Variants in GNAS observed in about 807,000 individuals in gnomAD.
GNAS encodes the protein GNAS complex locus.
A neutral mutation model predicts 54.5 loss-of-function variants in GNAS; 8 were observed. The ratio of observed to expected loss-of-function variants is 0.15; its 90% CI spans 0.09 to 0.26. The LOEUF is 0.26. Ranked by LOEUF, GNAS falls within the 10% of genes least tolerant of loss-of-function variation. The pLI, the probability that GNAS is intolerant of heterozygous loss-of-function variation, is 1.00. For synonymous variants in GNAS, 204 were observed against 191.4 expected (o/e 1.07, Z -0.54); for missense variants, 170 against 529.8 (o/e 0.32, Z 6.67).
At chr20:58,878,912 T>TGGGGGGGGGGGGG (rs11086659) in intron 1 of GNAS, among the ~76,000 whole-genome samples, 42 of 95,358 alleles carry the variant, frequency 4.4e-4, no homozygotes, top group Admixed American at 6.7e-4. Flanking sequence ...GGGGTGCGGG[T>TGGGGGGGGGGGGG]GGGGGGGGGA....
At chr20:58,892,095 TC>T in intron 1 of GNAS, 4 of 961,314 alleles carry the variant, frequency 4.2e-6, no homozygotes, top group South Asian at 4.8e-5. Flanking sequence ...CGGGCGCGGG[TC>T]CCCCTCCCCC....
intron 1 of GNAS, among the ~76,000 whole-genome samples, chr20:58,872,214 G>A (rs2087515971): frequency 1.3e-5 from 2 of 152,106 alleles, no homozygotes; most frequent in South Asian, 4.1e-4. Flanking sequence ...TCCAATTTTT[G>A]TTTTATTTTA....
At chr20:58,854,954 G>A (rs769427790) in intron 1 of GNAS, 4 of 1,610,348 alleles carry the variant, frequency 2.5e-6, no homozygotes, top group Admixed American at 1.7e-5. Flanking sequence ...GCCGCCGCGT[G>A]TACTACGATG....
intron 1 of GNAS, chr20:58,854,832 A>C: frequency 6.3e-7 from 1 of 1,595,138 alleles, no homozygotes; most frequent in African/African-American, 1.3e-5. Flanking sequence ...CTCCGGGGCC[A>C]GACGCAAGAT....
At position 58,850,997 on chromosome 20, in the gene GNAS, C is replaced by T. The variant is rs371628238; in HGVS notation, c.43+10111C>T. On this transcript the variant is annotated intron_variant, in intron 1 of 12. Transcript: ENST00000306090. The stretch of plus-strand genomic sequence containing the variant: ...GGCATGACCCCTGCCCAATGGCTGA[C>T]CCGGCGCTGGGGTCGGAGGGGAGTG... 4.8e-5 allele frequency: 19 copies of T among 398,460 alleles called. No homozygotes were observed. In the East Asian group the frequency reaches 6.4e-4, roughly 13 times the overall value. The allele number at this position is 398,460 out of a possible 1,614,324, so 24.7% of individuals were successfully genotyped here.
intron 6 of GNAS, among the ~76,000 whole-genome samples, chr20:58,908,730 T>C (rs1049187188): frequency 6.6e-6 from 1 of 152,154 alleles, no homozygotes; most frequent in African/African-American, 2.4e-5. Context: ...CTTTCTCTAC[T>C]GGTTGATATG....
At chr20:58,855,372 CG>C in intron 1 of GNAS, 2 of 1,504,144 alleles carry the variant, frequency 1.3e-6, no homozygotes, top group Non-Finnish European at 1.8e-6. Context: ...GCAGGGCCGC[CG>C]GGGAACCGGG....
chr20:58,846,428 CCT>C (rs1425907447), intron 1 of GNAS, among the ~76,000 whole-genome samples: 1 of 152,172 alleles, frequency 6.6e-6, no homozygotes, highest in African/African-American at 2.4e-5. Flanking sequence ...TCACTGTCCC[CCT>C]GAGAGTTTCG....
intron 1 of GNAS, among the ~76,000 whole-genome samples, chr20:58,876,415 C>G (rs2087822881): frequency 6.6e-6 from 1 of 151,916 alleles, no homozygotes; most frequent in Admixed American, 6.6e-5. Flanking sequence ...TAATGTCACC[C>G]ACCTGAAATT....
At chr20:58,877,826 C>T (rs6100260) in intron 1 of GNAS, among the ~76,000 whole-genome samples, 50,370 of 152,086 alleles carry the variant, frequency 0.33, 10,274 homozygotes, top group African/African-American at 0.57. Flanking sequence ...ATTGTGTTGC[C>T]ACAATGCCCA....
At chr20:58,900,373 A>G in intron 3 of GNAS, 1 of 224,072 alleles carries the variant, frequency 4.5e-6, no homozygotes, top group South Asian at 1.7e-4. Context: ...AAGTATTAAC[A>G]TTCGTGATAA....
chr20:58,851,483 C>T (rs932300264), intron 1 of GNAS, among the ~76,000 whole-genome samples: 14 of 152,206 alleles, frequency 9.2e-5, no homozygotes, highest in African/African-American at 3.1e-4. Context: ...TGTGCCTAGA[C>T]GTGGCTCGCC....
chr20:58,874,854 T>TATA (rs2087706007), intron 1 of GNAS, among the ~76,000 whole-genome samples: 1 of 152,260 alleles, frequency 6.6e-6, no homozygotes, highest in Non-Finnish European at 1.5e-5. Context: ...ATTCAAATAC[T>TATA]ATAATTAATT....
chr20:58,850,441 G>T (rs527929829), intron 1 of GNAS: 2 of 397,614 alleles, frequency 5.0e-6, no homozygotes, highest in Non-Finnish European at 4.4e-6. Context: ...GGTACTTTGG[G>T]GGTGAGCGCG....
At position 58,856,407 on chromosome 20, in the gene GNAS, C is replaced by T. The variant is rs960418529; in HGVS notation, c.43+15521C>T. 6.6e-6 allele frequency: 1 copy of T among 152,554 alleles called. No homozygotes were observed. Among genetic ancestry groups the T allele is most frequent in the Non-Finnish European group, 1.5e-5 (1 of 68,044 alleles). 9.5% of individuals were successfully genotyped at this position (152,554 alleles called of 1,614,324 possible). On this transcript the variant is annotated intron_variant, in intron 1 of 12. Transcript: ENST00000306090. The surrounding 1 kb of genome is among the most constrained non-coding windows in gnomAD (Gnocchi z 4.2). ...AATATGAAATAATTTTTCTTCCTAG[C>T]GAAGAGCCCGAGGTAAGCCAATCAT...
In GNAS at chr20:58,853,574, C is replaced by T; in HGVS notation, c.43+12688C>T. ...GCCCACCTCCTGAGGAAGCAATGCC[C>T]TTCGAGGCTGAACAGCCCAGCTTGG... On this transcript the variant is annotated intron_variant, in intron 1 of 12. Transcript: ENST00000306090. The surrounding 1 kb of genome is among the most constrained non-coding windows in gnomAD (Gnocchi z 4.4). 2 of 1,613,228 alleles carry T rather than the reference C, an allele frequency of 1.2e-6. No homozygotes were observed. Among genetic ancestry groups the T allele is most frequent in the Non-Finnish European group, 8.5e-7 (1 of 1,179,838 alleles).
chr20:58,842,427 A>G, intron 1 of GNAS: 1 of 398,628 alleles, frequency 2.5e-6, no homozygotes, highest in Non-Finnish European at 4.4e-6. Context: ...GATAGAAGGA[A>G]AATACCTTAA....
In GNAS at chr20:58,909,062, C is replaced by A; in HGVS notation, c.531-100C>A. The A allele has an allele frequency of 1.1e-6, 1 of 951,308 alleles. No individual in the cohort carries two copies. The highest frequency in any genetic ancestry group is 1.7e-6 in the Non-Finnish European group (1 of 576,568). The allele number at this position is 951,308 out of a possible 1,614,324, so 58.9% of individuals were successfully genotyped here. ...GACTTAGTGCTGCATAACTGTGGGA[C>A]GGTCACTTCCGTTGAGCCTGACCTT... On this transcript the variant is annotated intron_variant, in intron 6 of 12. Transcript: ENST00000371085. This position sits in a 1 kb window ranked among gnomAD's most constrained non-coding sequence, Gnocchi z 7.3.
rs867891910 is a variant in GNAS at position 58,841,589 on chromosome 20, C to A, written c.43+703C>A. The A allele has an allele frequency of 2.0e-6, 2 of 1,016,552 alleles. No homozygotes were observed. The highest frequency in any genetic ancestry group is 1.7e-5 in the African/African-American group (1 of 58,630). 63.0% of individuals were successfully genotyped at this position (1,016,552 alleles called of 1,614,324 possible). A position where few individuals can be genotyped will look rare whatever the true frequency, so the allele number is the denominator to read the frequency against. Reference sequence around the variant, plus strand: ...CTCCCGTCGCTCGCGGGACAGAGACCGCCTCAAAGAGCGTGCGCACCTGCC... The same window carrying A: ...CTCCCGTCGCTCGCGGGACAGAGACAGCCTCAAAGAGCGTGCGCACCTGCC... On this transcript the variant is annotated intron_variant, in intron 1 of 12. Transcript: ENST00000306090. The surrounding 1 kb of genome is among the most constrained non-coding windows in gnomAD (Gnocchi z 5.0).
Sources: allele counts gnomAD v4.1 joint callset (sites outside exome capture counted in the v4.1 genomes callset), GRCh38; gene constraint gnomAD v4.1.1; non-coding constraint Gnocchi (gnomAD v3.1); transcripts MANE v1.5; gene names NCBI Gene and HGNC (gene_info 2026-07-23, HGNC 2026-07-21).